Variants in ZC3H7B observed in about 807,000 individuals in gnomAD.
ZC3H7B encodes zinc finger CCCH domain-containing protein 7B.
In ZC3H7B, 35 loss-of-function variants were observed where a neutral mutation model predicts 116.0. The ratio of observed to expected loss-of-function variants is 0.30; its 90% CI spans 0.23 to 0.40. The LOEUF (loss-of-function observed/expected upper bound fraction) is 0.40. Ranked by LOEUF, ZC3H7B falls within the 10% of genes least tolerant of loss-of-function variation. ZC3H7B has a pLI of 1.00. For missense variants in ZC3H7B, 1,011 were observed against 1,321.5 expected (o/e 0.77, Z 3.64); for synonymous variants, 502 against 545.6 (o/e 0.92, Z 1.11).
intron 1 of ZC3H7B, among the ~76,000 whole-genome samples, chr22:41,306,822 G>C (rs1227430354): frequency 6.6e-6 from 1 of 152,158 alleles, no homozygotes; most frequent in East Asian, 1.9e-4. Context: ...AGCTGGCCTG[G>C]TGTGGGCCTG....
At position 41,342,646 on chromosome 22, in the gene ZC3H7B, G is replaced by A. The variant is rs1889402071; in HGVS notation, c.1297+18G>A. 1 of 1,598,898 alleles carries A rather than the reference G, an allele frequency of 6.3e-7. No individual in the cohort carries two copies. The highest frequency in any genetic ancestry group is 1.3e-5 in the African/African-American group (1 of 74,666). Reference sequence around the variant, plus strand: ...CAAGACAGGTAAACTTTCACCTGTAGACTCCACCCCTCTGCCCAGAGAACT... The same window carrying A: ...CAAGACAGGTAAACTTTCACCTGTAAACTCCACCCCTCTGCCCAGAGAACT... On this transcript the variant is annotated intron_variant, in intron 12 of 22. Coordinates refer to ENST00000352645, the MANE Select transcript of ZC3H7B (RefSeq NM_017590.6).
chr22:41,348,923 C>T lies in ZC3H7B; in HGVS notation c.1767-197C>T, dbSNP rs145729131. 1.3e-3 allele frequency among the ~76,000 whole-genome samples: 198 copies of T among 152,198 alleles called. 1 individual carries two copies. The highest frequency in any genetic ancestry group is 6.8e-3 in the Middle Eastern group (2 of 294). On this transcript the variant is annotated intron_variant, in intron 15 of 22. Coordinates refer to ENST00000352645, the MANE Select transcript of ZC3H7B (RefSeq NM_017590.6). ...TGGGGGAGGGACAGGAGTAAAGCAGCGCTGGGACCCAGGCCCAGGGGTGCC... is the reference window on the plus strand; with the variant it reads ...TGGGGGAGGGACAGGAGTAAAGCAGTGCTGGGACCCAGGCCCAGGGGTGCC...
chr22:41,347,614 G>T (rs2036603616), intron 14 of ZC3H7B, among the ~76,000 whole-genome samples: 1 of 152,152 alleles, frequency 6.6e-6, no homozygotes. Context: ...CGGGTTGCTG[G>T]CAGGGTTTGG....
intron 4 of ZC3H7B, among the ~76,000 whole-genome samples, chr22:41,326,254 G>A (rs1042822010): frequency 4.6e-5 from 7 of 152,060 alleles, no homozygotes; most frequent in Non-Finnish European, 7.4e-5. Context: ...CCTCCCTCCC[G>A]GCCCCACTGT....
chr22:41,322,094 C>T (rs1263326628), intron 2 of ZC3H7B, among the ~76,000 whole-genome samples: 1 of 151,598 alleles, frequency 6.6e-6, no homozygotes, highest in African/African-American at 2.4e-5. Flanking sequence ...CCGCCTCGGC[C>T]TCCCAAAGTG....
rs1160694238 is a variant in ZC3H7B at position 41,341,094 on chromosome 22, C to A, written c.1145C>A (p.Thr382Asn). 2.5e-6 allele frequency: 4 copies of A among 1,613,738 alleles called. No individual in the cohort carries two copies. The South Asian group carries it at 3.3e-5, about 13-fold the overall frequency. The change falls in exon 11 of 23, where the codon ACC becomes AAC. Residue 382 changes from threonine (T) to asparagine (N), a missense_variant. Physicochemically the swap from Thr to Asn is moderately conservative, Grantham distance 65. Transcript: ENST00000352645. ...LDKPDSFMEE[T>N]NSQDHRPPSG... The stretch of plus-strand genomic sequence containing the variant: ...GTGTCTTCTCCCTGCCCAGAGGAGA[C>A]CAACTCACAGGACCACCGTCCCCCT...
In ZC3H7B at chr22:41,339,198, C is replaced by T. The variant is rs757410089; in HGVS notation, c.816+7C>T. 1.5e-5 allele frequency: 24 copies of T among 1,600,506 alleles called. No homozygotes were observed. The highest frequency in any genetic ancestry group is 2.2e-5 in the East Asian group (1 of 44,554). Reference sequence around the variant, plus strand: ...CACCCTCCTGGACTCGCTGGTGAGCCACACCACCCTCCTTGTGCTCCCCTG... The same window carrying T: ...CACCCTCCTGGACTCGCTGGTGAGCTACACCACCCTCCTTGTGCTCCCCTG... On this transcript the variant is annotated splice_region_variant and intron_variant, in intron 9 of 22. Transcript: ENST00000352645.
intron 13 of ZC3H7B, among the ~76,000 whole-genome samples, chr22:41,345,520 G>A (rs1317275950): frequency 6.6e-6 from 1 of 152,170 alleles, no homozygotes; most frequent in Non-Finnish European, 1.5e-5. Context: ...AGGAGGCGGA[G>A]GTTGCAGTGA....
At chr22:41,354,174 G>T (rs1176421971) in intron 17 of ZC3H7B, among the ~76,000 whole-genome samples, 1 of 152,212 alleles carries the variant, frequency 6.6e-6, no homozygotes, top group African/African-American at 2.4e-5. Context: ...TAGTGCAGTG[G>T]CTAAGCCACC....
rs1397634295 is a variant in ZC3H7B, at chr22:41,357,416, C to T, written c.2921C>T (p.Thr974Ile). The T allele has an allele frequency of 1.2e-6, 2 of 1,612,994 alleles. No homozygotes were observed. The highest frequency in any genetic ancestry group is 1.7e-6 in the Non-Finnish European group (2 of 1,179,852). ...GCCCCTGCTGCTGCTGCCACCGCCA[C>T]CACTGGGGAGTAGGGCCAGGTGTTG... ...PEAPAAAATA[T>I]TGE The change falls in exon 23 of 23, where the codon ACC (threonine) becomes ATC (isoleucine). Residue 974 changes from threonine (T) to isoleucine (I), a missense_variant. This residue lies in a region of ZC3H7B where 406 missense variants were observed against 590.2 expected (regional missense o/e 0.69). Coordinates refer to ENST00000352645, the MANE Select transcript of ZC3H7B (RefSeq NM_017590.6). This position sits in a 1 kb window ranked among gnomAD's most constrained non-coding sequence, Gnocchi z 5.4.
At chr22:41,307,000 G>T (rs1310645113) in intron 1 of ZC3H7B, among the ~76,000 whole-genome samples, 2 of 143,344 alleles carry the variant, frequency 1.4e-5, no homozygotes, top group Admixed American at 7.5e-5. Flanking sequence ...TTGAGACAGA[G>T]TCTCATTCTG....
chr22:41,351,415 C>G lies in ZC3H7B; in HGVS notation c.1949-146C>G. ...TTTTGCAGATGGACAAAGTGGTTCC[C>G]TTGTACCCCATGTCTTACTGTGGCT... On this transcript the variant is annotated intron_variant, in intron 16 of 22. Coordinates refer to ENST00000352645, the MANE Select transcript of ZC3H7B (RefSeq NM_017590.6). This position sits in a 1 kb window ranked among gnomAD's most constrained non-coding sequence, Gnocchi z 5.1. 1.5e-6 allele frequency: 1 copy of G among 656,658 alleles called. No homozygotes were observed. Among genetic ancestry groups the G allele is most frequent in the South Asian group, 2.0e-5 (1 of 50,396 alleles). 40.7% of individuals were successfully genotyped at this position (656,658 alleles called of 1,614,324 possible).
rs1273591806 is a variant in ZC3H7B, at chr22:41,346,833, T to C, written c.1665+625T>C. Among the ~76,000 whole-genome samples, 2 of 151,864 alleles carry C rather than the reference T, an allele frequency of 1.3e-5. No homozygotes were observed. Among genetic ancestry groups the C allele is most frequent in the East Asian group, 1.9e-4 (1 of 5,174 alleles). ...TAAAAATTAGCTGGGCTTGGTGGCA[T>C]GCGCCTCCCGTCCCAGTTACTCAGG... On this transcript the variant is annotated intron_variant, in intron 14 of 22. Coordinates refer to ENST00000352645, the MANE Select transcript of ZC3H7B (RefSeq NM_017590.6). The surrounding 1 kb of genome is among the most constrained non-coding windows in gnomAD (Gnocchi z 5.3).
At chr22:41,345,755 G>A (rs971323667) in intron 13 of ZC3H7B, among the ~76,000 whole-genome samples, 1 of 152,124 alleles carries the variant, frequency 6.6e-6, no homozygotes, top group Non-Finnish European at 1.5e-5. Flanking sequence ...GCAGCAGGGG[G>A]TGCAGCAGAC....
Position 41,343,592 on chromosome 22 carries a change from CG to C in ZC3H7B, c.1459+20del, listed in dbSNP as rs769537434. ...CTGTGCAAAGGTGGGTGGGCTGCAGCGGGGCAGGCAGCACAGCTGGGGCCCA... is the reference window on the plus strand; with the variant it reads ...CTGTGCAAAGGTGGGTGGGCTGCAGCGGGCAGGCAGCACAGCTGGGGCCCA... On this transcript the variant is annotated intron_variant, in intron 13 of 22. Coordinates refer to ENST00000352645, the MANE Select transcript of ZC3H7B (RefSeq NM_017590.6). 1.1e-5 allele frequency: 18 copies of C among 1,579,776 alleles called. No homozygotes were observed. The highest frequency in any genetic ancestry group is 1.6e-5 in the Non-Finnish European group (18 of 1,158,926).
In ZC3H7B at chr22:41,358,481, G is replaced by A. The variant is rs1482100760; in HGVS notation, c.*1052G>A. ...AGAGGGCAGGACACCATGAGCTCAG[G>A]ATCTGTGTGAGGTGTGGGAGGTGGG... On this transcript the variant is annotated 3_prime_UTR_variant, in exon 23 of 23. Coordinates refer to ENST00000352645, the MANE Select transcript of ZC3H7B (RefSeq NM_017590.6). The A allele has an allele frequency of 3.3e-5, 5 of 152,476 alleles. No individual in the cohort carries two copies. Among genetic ancestry groups the A allele is most frequent in the Admixed American group, 6.5e-5 (1 of 15,280 alleles). 9.4% of individuals were successfully genotyped at this position (152,476 alleles called of 1,614,324 possible).
intron 1 of ZC3H7B, among the ~76,000 whole-genome samples, chr22:41,308,178 C>T (rs1386508440): frequency 6.6e-6 from 1 of 152,106 alleles, no homozygotes; most frequent in Non-Finnish European, 1.5e-5. Context: ...TACTGAAGTG[C>T]TGGAGTCAGC....
chr22:41,355,889 G>A, intron 19 of ZC3H7B, 27 bp downstream of exon 19: 2 of 1,611,876 alleles, frequency 1.2e-6, no homozygotes, highest in East Asian at 2.2e-5. Flanking sequence ...GGGGCTGGGG[G>A]TCCCCCAGGA....
In ZC3H7B at chr22:41,327,358, G is replaced by A; in HGVS notation, c.438G>A (p.Leu146=). The A allele has an allele frequency of 1.2e-6, 2 of 1,610,596 alleles. No individual in the cohort carries two copies. The highest frequency in any genetic ancestry group is 1.1e-5 in the South Asian group (1 of 91,066). ...YECSSRCSLA[L]PHDESVTQLG... ...GCAGCAGCCGGTGTTCCCTCGCCCT[G>A]CCCCACGTGAGTGTGGCTCTGCAGC... is the stretch of plus-strand genomic sequence containing the variant. Residue 146 remains leucine, a synonymous_variant, in exon 5 of 23, where the codon CTG becomes CTA. Transcript: ENST00000352645. The surrounding 1 kb of genome is among the most constrained non-coding windows in gnomAD (Gnocchi z 4.5).
Sources: allele counts gnomAD v4.1 joint callset (sites outside exome capture counted in the v4.1 genomes callset), GRCh38; gene constraint gnomAD v4.1.1; regional missense constraint gnomAD v4.1.1; non-coding constraint Gnocchi (gnomAD v3.1); transcripts MANE v1.5; gene names NCBI Gene and HGNC (gene_info 2026-07-23, HGNC 2026-07-21).